MBD3L1: variants seen among roughly 807,000 people sequenced by gnomAD.
The protein encoded by MBD3L1 is methyl-CpG-binding domain protein 3-like 1.
For missense variants in MBD3L1, 203 were observed against 230.1 expected (o/e 0.88, Z 0.76); for synonymous variants, 84 against 85.1 (o/e 0.99, Z 0.07).
In MBD3L1 at chr19:8,843,161, G is replaced by A. The variant is rs1277962304; in HGVS notation, c.483G>A (p.Val161=). The A allele has an allele frequency of 6.2e-7, 1 of 1,613,800 alleles. No individual in the cohort carries two copies. The highest frequency in any genetic ancestry group is 1.7e-5 in the Admixed American group (1 of 59,918). ...EEDIRKQEGK[V]KTVRERLAIA... ...ATATCAGGAAACAGGAAGGGAAAGT[G>A]AAGACAGTCAGAGAGAGACTCGCAA... Residue 161 remains valine, a synonymous_variant, in exon 3 of 3, where the codon GTG becomes GTA. Coordinates refer to ENST00000595891, the MANE Select transcript of MBD3L1 (RefSeq NM_001393532.1).
At chr19:8,837,692 G>A (rs2044468906) in intron 1 of MBD3L1, among the ~76,000 whole-genome samples, 1 of 152,134 alleles carries the variant, frequency 6.6e-6, no homozygotes, top group Admixed American at 6.5e-5. Context: ...TTCCCACAGA[G>A]TACCTGAGAT....
intron 1 of MBD3L1, among the ~76,000 whole-genome samples, chr19:8,839,332 T>C (rs983900455): frequency 6.6e-6 from 1 of 151,796 alleles, no homozygotes; most frequent in African/African-American, 2.4e-5. Context: ...TACAGGTGTG[T>C]GCCACCACAC....
intron 2 of MBD3L1, 109 bp from the exon 3 acceptor site, chr19:8,842,548 TC>T (rs1004765194): frequency 1.2e-5 from 9 of 765,932 alleles, no homozygotes; most frequent in African/African-American, 1.1e-4. Context: ...GTCAGACCTA[TC>T]CCCAGAGGGA....
At chr19:8,842,256 G>A (rs576202144) in intron 2 of MBD3L1, among the ~76,000 whole-genome samples, 2 of 151,368 alleles carry the variant, frequency 1.3e-5, no homozygotes, top group South Asian at 4.2e-4. Context: ...AGCCTGGGGA[G>A]GTAAAGGCTG....
At chr19:8,842,446 C>A (rs1296434764) in intron 2 of MBD3L1, 2 of 487,752 alleles carry the variant, frequency 4.1e-6, no homozygotes, top group Non-Finnish European at 7.3e-6. Context: ...AGTACTCAAA[C>A]AAGGAGGGGG....
chr19:8,843,155 G>A lies in MBD3L1; in HGVS notation c.477G>A (p.Gly159=). 6.2e-7 allele frequency: 1 copy of A among 1,613,820 alleles called. No individual in the cohort carries two copies. The highest frequency in any genetic ancestry group is 8.5e-7 in the Non-Finnish European group (1 of 1,179,944). Reference sequence around the variant, plus strand: ...AGGAAGATATCAGGAAACAGGAAGGGAAAGTGAAGACAGTCAGAGAGAGAC... The same window carrying A: ...AGGAAGATATCAGGAAACAGGAAGGAAAAGTGAAGACAGTCAGAGAGAGAC... The part of the protein sequence containing the change: ...VTEEDIRKQE[G]KVKTVRERLA... The change falls in exon 3 of 3, where the codon GGG becomes GGA. Residue 159 remains glycine, a synonymous_variant. Coordinates refer to ENST00000595891, the MANE Select transcript of MBD3L1 (RefSeq NM_001393532.1).
intron 1 of MBD3L1, among the ~76,000 whole-genome samples, chr19:8,839,144 A>G (rs1181360999): frequency 6.7e-6 from 1 of 148,388 alleles, no homozygotes; most frequent in Non-Finnish European, 1.5e-5. Flanking sequence ...TATCAGATGT[A>G]CTTGCCCCGT....
intron 1 of MBD3L1, chr19:8,833,173 G>A (rs1367650451): frequency 1.3e-5 from 2 of 152,296 alleles, no homozygotes; most frequent in African/African-American, 2.4e-5. Flanking sequence ...TCAGATTCAG[G>A]GGTAGGGCCT....
intron 1 of MBD3L1, among the ~76,000 whole-genome samples, chr19:8,834,947 G>GATTTATCTGAT (rs2044438765): frequency 2.6e-5 from 4 of 151,494 alleles, no homozygotes; most frequent in Admixed American, 2.6e-4. Context: ...ACTGGGTGAA[G>GATTTATCTGAT]ACATTTACAA....
chr19:8,842,427 G>A (rs527356935), intron 2 of MBD3L1, among the ~76,000 whole-genome samples: 1 of 152,132 alleles, frequency 6.6e-6, no homozygotes, highest in African/African-American at 2.4e-5. Context: ...GGCAGAAAGA[G>A]AATAAAATAG....
At chr19:8,840,199 A>AC (rs1404218133) in intron 1 of MBD3L1, among the ~76,000 whole-genome samples, 3 of 151,662 alleles carry the variant, frequency 2.0e-5, no homozygotes, top group Non-Finnish European at 1.5e-5. Context: ...AAAAAAAAAA[A>AC]CAAAAACAGA....
intron 1 of MBD3L1, among the ~76,000 whole-genome samples, chr19:8,840,598 C>G (rs529927374): frequency 6.6e-6 from 1 of 152,110 alleles, no homozygotes; most frequent in Non-Finnish European, 1.5e-5. Context: ...AGCCACCATG[C>G]CTGGCAGGAA....
intron 1 of MBD3L1, among the ~76,000 whole-genome samples, chr19:8,834,619 A>C (rs1403290730): frequency 1.3e-5 from 2 of 150,688 alleles, no homozygotes; most frequent in Non-Finnish European, 3.0e-5. Flanking sequence ...AAAAAAAACA[A>C]ACCAAAACCA....
chr19:8,835,881 ACATTACGGTAAGTAAAAGAAGC>A (rs1233045694), intron 1 of MBD3L1, among the ~76,000 whole-genome samples: 1 of 152,234 alleles, frequency 6.6e-6, no homozygotes, highest in African/African-American at 2.4e-5. Context: ...AACCTTGAAA[ACATTACGGTAAGTAAAAGAAGC>A]CACTCATAAA....
chr19:8,837,072 T>C (rs1276475477), intron 1 of MBD3L1, among the ~76,000 whole-genome samples: 1 of 152,204 alleles, frequency 6.6e-6, no homozygotes, highest in Non-Finnish European at 1.5e-5. Context: ...TCTCAAGTAA[T>C]GCAAAACATT....
chr19:8,837,702 T>C (rs1239543769), intron 1 of MBD3L1, among the ~76,000 whole-genome samples: 1 of 152,144 alleles, frequency 6.6e-6, no homozygotes, highest in Non-Finnish European at 1.5e-5. Flanking sequence ...GTACCTGAGA[T>C]CTGAGGATAC....
chr19:8,834,140 C>T (rs573389345), intron 1 of MBD3L1, among the ~76,000 whole-genome samples: 63 of 152,278 alleles, frequency 4.1e-4, no homozygotes, highest in African/African-American at 1.5e-3. Context: ...TGCACCCGTC[C>T]TTTCAGAAAA....
intron 1 of MBD3L1, among the ~76,000 whole-genome samples, chr19:8,833,861 C>CT (rs1316067197): frequency 1.3e-5 from 2 of 151,826 alleles, no homozygotes; most frequent in African/African-American, 4.9e-5. Context: ...GTGGCGGATG[C>CT]CTTGTAATCC....
intron 1 of MBD3L1, among the ~76,000 whole-genome samples, chr19:8,838,262 A>AAAAAAAAAAAAAAAAAAC (rs2044475664): frequency 7.3e-6 from 1 of 137,224 alleles, no homozygotes; most frequent in Non-Finnish European, 1.6e-5. Context: ...CAAAAAAAAA[A>AAAAAAAAAAAAAAAAAAC]AAAAAAAAAA....
Sources: gnomAD v4.1 joint callset for allele counts (sites outside exome capture counted in the v4.1 genomes callset) on GRCh38, gnomAD v4.1.1 for gene constraint, MANE v1.5 for transcripts, NCBI Gene and HGNC (gene_info 2026-07-23, HGNC 2026-07-21) for gene names.